Variants in ZNF75D observed in about 807,000 individuals in gnomAD.
ZNF75D encodes zinc finger protein 75D, also known as zinc finger protein 75.
Under a neutral mutation model 33.3 loss-of-function variants are expected in ZNF75D, and 33 were observed. The observed-to-expected ratio is 0.99, with a 90% CI of 0.75 to 1.32. The LOEUF is 1.32. Among genes scored for constraint, ZNF75D ranks in the 40% most tolerant of loss-of-function variants. ZNF75D has a pLI of 0.00. For missense variants in ZNF75D, 338 were observed against 367.5 expected (o/e 0.92, Z 0.66); for synonymous variants, 113 against 130.6 (o/e 0.87, Z 0.92).
chrX:135,291,061 C>T lies in ZNF75D; in HGVS notation c.771G>A (p.Lys257=). 8.3e-7 allele frequency: 1 copy of T among 1,207,560 alleles called. No homozygotes were observed. The highest frequency in any genetic ancestry group is 1.1e-6 in the Non-Finnish European group (1 of 891,571). ...EEWQLLNPLE[K]TLYNDVMQDI... is the part of the protein sequence containing the mutation. Reference sequence around the variant, plus strand: ...CCTGCATTACATCATTGTAGAGAGTCTTCTCAAGAGGATTCAATAATTGCC... The same window carrying T: ...CCTGCATTACATCATTGTAGAGAGTTTTCTCAAGAGGATTCAATAATTGCC... The change falls in exon 6 of 7, where the codon AAG becomes AAA. Residue 257 remains lysine, a synonymous_variant. Coordinates refer to ENST00000370766, the MANE Select transcript of ZNF75D (RefSeq NM_007131.5).
At chrX:135,319,429 G>A (rs1198362226) in intron 1 of ZNF75D, among the ~76,000 whole-genome samples, 1 of 112,332 alleles carries the variant, frequency 8.9e-6, no homozygotes, top group African/African-American at 3.2e-5. Context: ...CCACAGCAGA[G>A]CTCTGAAGTA....
intron 1 of ZNF75D, among the ~76,000 whole-genome samples, chrX:135,337,243 C>CGAGG (rs1374120392): frequency 2.7e-5 from 3 of 112,053 alleles, no homozygotes; most frequent in Non-Finnish European, 5.6e-5. Flanking sequence ...AATTTTTTCT[C>CGAGG]TCTCAACTTA....
chrX:135,292,639 T>C (rs951500930), intron 3 of ZNF75D, among the ~76,000 whole-genome samples, 166 bp from the exon 4 acceptor site: 2 of 112,336 alleles, frequency 1.8e-5, no homozygotes, highest in Non-Finnish European at 3.8e-5. Context: ...TAAAGAACTA[T>C]ACTCAAAATC....
At chrX:135,326,927 C>T (rs1354220166) in intron 1 of ZNF75D, among the ~76,000 whole-genome samples, 2 of 112,646 alleles carry the variant, frequency 1.8e-5, no homozygotes, top group Non-Finnish European at 3.7e-5. Flanking sequence ...CGCGAGAGTC[C>T]GCGGCTTCAT....
chrX:135,257,533 A>G (rs782488048), intron 1 of ZNF75D, among the ~76,000 whole-genome samples: 1 of 113,166 alleles, frequency 8.8e-6, no homozygotes, highest in African/African-American at 3.2e-5. Context: ...AAGGTATTTT[A>G]CTCTAATCCC....
chrX:135,287,135 C>T lies in ZNF75D; in HGVS notation c.*2G>A. 2.5e-6 allele frequency: 3 copies of T among 1,190,124 alleles called. No individual in the cohort carries two copies. Among genetic ancestry groups the T allele is most frequent in the East Asian group, 5.9e-5 (2 of 33,731 alleles). ...AAGTCAAGCTCTACATGGTAACTTT[C>T]CTCAGTTTGGAGACACTAGACATGC... On this transcript the variant is annotated 3_prime_UTR_variant, in exon 7 of 7. Coordinates refer to ENST00000370766, the MANE Select transcript of ZNF75D (RefSeq NM_007131.5).
At chrX:135,336,165 G>A (rs2084708996) in intron 1 of ZNF75D, among the ~76,000 whole-genome samples, 1 of 110,987 alleles carries the variant, frequency 9.0e-6, no homozygotes, top group African/African-American at 3.3e-5. Flanking sequence ...CTTTTAAGAG[G>A]CCTGAGTGAG....
At chrX:135,261,008 A>G (rs782664933) in intron 1 of ZNF75D, among the ~76,000 whole-genome samples, 16 of 111,979 alleles carry the variant, frequency 1.4e-4, no homozygotes, top group Admixed American at 4.7e-4. Context: ...CTTTGTTCTC[A>G]TTGGTTTCAA....
At chrX:135,340,849 A>T (rs2084775462) in intron 1 of ZNF75D, among the ~76,000 whole-genome samples, 1 of 112,268 alleles carries the variant, frequency 8.9e-6, no homozygotes, top group East Asian at 2.8e-4. Context: ...ATAGGTCAGA[A>T]ATTCTAGAGG....
chrX:135,256,931 G>A (rs1556414295), intron 1 of ZNF75D, among the ~76,000 whole-genome samples: 1 of 111,543 alleles, frequency 9.0e-6, no homozygotes, highest in Non-Finnish European at 1.9e-5. Flanking sequence ...TGCACACTAG[G>A]CCAGAAGGGA....
At chrX:135,330,683 A>C (rs1183456791) in intron 1 of ZNF75D, 5 of 112,810 alleles carry the variant, frequency 4.4e-5, no homozygotes, top group African/African-American at 1.6e-4. Context: ...GAATCTTGGA[A>C]AATAATTTTT....
chrX:135,293,320 T>C (rs962944594), intron 3 of ZNF75D, among the ~76,000 whole-genome samples: 1 of 111,779 alleles, frequency 8.9e-6, no homozygotes, highest in Non-Finnish European at 1.9e-5. Context: ...CCAGAGCCGC[T>C]TGATTCATAC....
intron 6 of ZNF75D, among the ~76,000 whole-genome samples, chrX:135,288,421 G>T (rs1437004082): frequency 8.9e-6 from 1 of 112,403 alleles, no homozygotes; most frequent in Non-Finnish European, 1.9e-5. Flanking sequence ...TAGTAGGATT[G>T]TGTACTTTGT....
At chrX:135,260,591 T>A (rs60794214) in intron 1 of ZNF75D, among the ~76,000 whole-genome samples, 2,030 of 112,367 alleles carry the variant, frequency 0.018, 53 homozygotes, top group African/African-American at 0.061. Context: ...TAGAGCTGTT[T>A]ATAATATTCT....
intron 1 of ZNF75D, among the ~76,000 whole-genome samples, chrX:135,315,245 T>C (rs1051427702): frequency 8.9e-6 from 1 of 112,384 alleles, no homozygotes; most frequent in Non-Finnish European, 1.9e-5. Flanking sequence ...TTTGTATTGT[T>C]TCCAAAGTTC....
chrX:135,289,472 C>T (rs937986017), intron 6 of ZNF75D, among the ~76,000 whole-genome samples: 3 of 111,329 alleles, frequency 2.7e-5, no homozygotes, highest in African/African-American at 9.8e-5. Flanking sequence ...AAAAATTAGC[C>T]AGACATGGTG....
Position 135,287,147 on chromosome X carries a change from G to C in ZNF75D, c.1523C>G (p.Ser508Cys). 2 of 1,198,476 alleles carry C rather than the reference G, an allele frequency of 1.7e-6. No individual in the cohort carries two copies. Among genetic ancestry groups the C allele is most frequent in the Non-Finnish European group, 2.2e-6 (2 of 890,948 alleles). ...ACATGGTAACTTTCCTCAGTTTGGA[G>C]ACACTAGACATGCTTCCCTTCTTCT... ...LHRRREACLV[S>C]PN Residue 508 changes from serine (S) to cysteine (C), a missense_variant, in exon 7 of 7, where the codon TCT (serine) becomes TGT (cysteine). This residue lies in a region of ZNF75D where 79 missense variants were observed against 80.1 expected (regional missense o/e 0.99). Transcript: ENST00000370766.
intron 1 of ZNF75D, among the ~76,000 whole-genome samples, chrX:135,339,796 C>T (rs1288953555): frequency 1.8e-5 from 2 of 111,969 alleles, no homozygotes; most frequent in Non-Finnish European, 3.8e-5. Flanking sequence ...CCTACTCCCT[C>T]CTATGGGTCA....
chrX:135,314,830 T>C (rs994791522), intron 1 of ZNF75D, among the ~76,000 whole-genome samples: 3 of 111,939 alleles, frequency 2.7e-5, no homozygotes, highest in Admixed American at 1.9e-4. Flanking sequence ...GCCTCCTTTT[T>C]CATTTCTGAT....
Sources: allele counts gnomAD v4.1 joint callset (sites outside exome capture counted in the v4.1 genomes callset), GRCh38; gene constraint gnomAD v4.1.1; regional missense constraint gnomAD v4.1.1; transcripts MANE v1.5; gene names NCBI Gene and HGNC (gene_info 2026-07-23, HGNC 2026-07-21).